TMEM120A: variants seen among roughly 807,000 people sequenced by gnomAD.
TMEM120A encodes transmembrane protein 120A.
TMEM120A carries 45 observed loss-of-function variants against 54.3 expected under a neutral mutation model. The ratio of observed to expected loss-of-function variants is 0.83; its 90% CI spans 0.65 to 1.06. TMEM120A has a LOEUF of 1.06. TMEM120A is among the 50% of genes least tolerant of loss of function. TMEM120A has a pLI of 0.00. For missense variants in TMEM120A, 424 were observed against 441.7 expected (o/e 0.96, Z 0.36); for synonymous variants, 204 against 178.5 (o/e 1.14, Z -1.14).
chr7:75,990,423 C>T (rs1317796285), intron 3 of TMEM120A, among the ~76,000 whole-genome samples: 2 of 152,176 alleles, frequency 1.3e-5, no homozygotes, highest in Non-Finnish European at 2.9e-5. Flanking sequence ...TCCTGCCCTT[C>T]TCCTGGGTCT....
In TMEM120A at chr7:75,992,201, A is replaced by G. The variant is rs782150303; in HGVS notation, c.260T>C (p.Met87Thr). ...AAAGAAGAGGCCTTGGCGCTCTTTC[A>G]TCTGGTTCTCCAGCTCCTGTGCGGC... The part of the protein sequence containing the change: ...EGAAQELENQ[M>T]KERQGLFFDM... Residue 87 changes from methionine to threonine, a missense_variant, in exon 3 of 12, where the codon ATG (methionine) becomes ACG (threonine). Transcript: ENST00000493111. The G allele has an allele frequency of 1.2e-6, 2 of 1,612,442 alleles. No individual in the cohort carries two copies. The highest frequency in any genetic ancestry group is 8.5e-7 in the Non-Finnish European group (1 of 1,179,328).
At chr7:75,988,059 C>T (rs1554560521) in intron 7 of TMEM120A, 24 bp downstream of exon 7, 1 of 1,598,718 alleles carries the variant, frequency 6.3e-7, no homozygotes, top group Admixed American at 1.7e-5. Context: ...CAGCTCCTGC[C>T]CCTGCCGGGG....
intron 2 of TMEM120A, 69 bp downstream of exon 2, chr7:75,992,370 C>A: frequency 6.4e-7 from 1 of 1,556,206 alleles, no homozygotes; most frequent in Non-Finnish European, 8.8e-7. Flanking sequence ...GGGCGGTGCC[C>A]AGGGTCTCAC....
Position 75,986,964 on chromosome 7 carries a change from G to A in TMEM120A, c.*208C>T, listed in dbSNP as rs1250189570. ...GGCCACCCAGCCCTCCCCTCCCCCA[G>A]GAGAACACACACGCTCAGGCCACCT... On this transcript the variant is annotated 3_prime_UTR_variant, in exon 12 of 12. Transcript: ENST00000493111. 1.8e-6 allele frequency: 1 copy of A among 563,842 alleles called. No homozygotes were observed. Among genetic ancestry groups the A allele is most frequent in the Non-Finnish European group, 3.1e-6 (1 of 317,842 alleles). The allele number at this position is 563,842 out of a possible 1,614,324, so 34.9% of individuals were successfully genotyped here.
intron 1 of TMEM120A, among the ~76,000 whole-genome samples, 178 bp downstream of exon 1, chr7:75,994,312 A>T (rs1324755890): frequency 6.6e-6 from 1 of 152,076 alleles, no homozygotes. Context: ...GTTCCCGGAC[A>T]CTGGAGGTGG....
At position 75,989,042 on chromosome 7, in the gene TMEM120A, T is replaced by G. The variant is rs1415590274; in HGVS notation, c.377+123A>C. 3.2e-3 allele frequency: 331 copies of G among 104,390 alleles called. 32 individuals carry two copies. The highest frequency in any genetic ancestry group is 9.1e-3 in the South Asian group (114 of 12,592). The allele number at this position is 104,390 out of a possible 1,614,324, so 6.5% of individuals were successfully genotyped here. ...TGGAGGGGAAGGCCGGGTTGGGGGG[T>G]GGAGGGGAAGGCCGGGTTCCGGGGG... is the stretch of plus-strand genomic sequence containing the variant. On this transcript the variant is annotated intron_variant, in intron 4 of 11. Transcript: ENST00000493111.
Position 75,987,081 on chromosome 7 carries a change from C to CTG in TMEM120A, c.*89_*90dup. 9.1e-7 allele frequency: 1 copy of CTG among 1,092,982 alleles called. No individual in the cohort carries two copies. The highest frequency in any genetic ancestry group is 1.4e-6 in the Non-Finnish European group (1 of 736,320). The allele number at this position is 1,092,982 out of a possible 1,614,324, so 67.7% of individuals were successfully genotyped here. A position where few individuals can be genotyped will look rare whatever the true frequency, so the allele number is the denominator to read the frequency against. ...CCCAAGGGAGAATAGAAGAGACCCC[C>CTG]TGATACACGCACACTCGAGGGGCGC... is the stretch of plus-strand genomic sequence containing the variant. On this transcript the variant is annotated 3_prime_UTR_variant, in exon 12 of 12. Coordinates refer to ENST00000493111, the MANE Select transcript of TMEM120A (RefSeq NM_031925.3).
rs1180733238 is a variant in TMEM120A at position 75,994,562 on chromosome 7, G to A, written c.9C>T (p.Pro3=). 4.9e-5 allele frequency: 76 copies of A among 1,546,764 alleles called. No individual in the cohort carries two copies. The highest frequency in any genetic ancestry group is 6.3e-5 in the Non-Finnish European group (72 of 1,146,452). ...AGTCGCCCAGCGGGCCCGGGGGCGG[G>A]GGCTGCATGGCTGCAGCGCCAGTAG... MQ[P]PPPGPLGDCL... The change falls in exon 1 of 12, where the codon CCC becomes CCT. Residue 3 remains proline, a synonymous_variant. Coordinates refer to ENST00000493111, the MANE Select transcript of TMEM120A (RefSeq NM_031925.3).
At chr7:75,991,316 G>C (rs530800440) in intron 3 of TMEM120A, among the ~76,000 whole-genome samples, 1 of 152,012 alleles carries the variant, frequency 6.6e-6, no homozygotes, top group Non-Finnish European at 1.5e-5. Context: ...CTCCCGCCCC[G>C]ACCTCTGGCC....
chr7:75,987,246 C>T lies in TMEM120A; in HGVS notation c.958G>A (p.Gly320Ser), dbSNP rs567042657. Residue 320 changes from glycine to serine, a missense_variant, in exon 12 of 12, where the codon GGC becomes AGC. Transcript: ENST00000493111. ...ACCCTCAGGGTGGTGAAGAAATTGC[C>T]GAGGAAAAGGAGGAGGAAGGGAAAG... ...CGFPFLLLFLGNFFTTLRVVH... is the reference protein window; with the variant it reads ...CGFPFLLLFLSNFFTTLRVVH... The T allele has an allele frequency of 2.9e-5, 46 of 1,608,118 alleles. No individual in the cohort carries two copies. The highest frequency in any genetic ancestry group is 1.7e-4 in the Admixed American group (10 of 59,324).
intron 3 of TMEM120A, among the ~76,000 whole-genome samples, chr7:75,991,695 C>G (rs1313725539): frequency 2.0e-5 from 3 of 152,202 alleles, no homozygotes; most frequent in Non-Finnish European, 4.4e-5. Flanking sequence ...TGAGCCACCG[C>G]GCCCAGCCTA....
chr7:75,992,439 T>G lies in TMEM120A; in HGVS notation c.200A>C (p.Lys67Thr). Residue 67 changes from lysine (K) to threonine (T), a missense_variant and splice_region_variant, in exon 2 of 12, where the codon AAA becomes ACA. Transcript: ENST00000493111. ...RLQELALALK[K>T]CKPSLPAEAE... is the part of the protein sequence containing the mutation. ...GGCGGGTGGGGTAGGGGATCCTAAC[T>G]TCTTCAGGGCGAGGGCCAGCTCCTG... is the stretch of plus-strand genomic sequence containing the variant. 6.3e-7 allele frequency: 1 copy of G among 1,590,918 alleles called. No homozygotes were observed. The highest frequency in any genetic ancestry group is 8.6e-7 in the Non-Finnish European group (1 of 1,169,086).
At chr7:75,989,108 G>GA in intron 4 of TMEM120A, 57 bp downstream of exon 4, 3 of 488,096 alleles carry the variant, frequency 6.1e-6, no homozygotes, top group Non-Finnish European at 1.1e-5. Context: ...GGGGAGGGGG[G>GA]TAGGGGGCTA....
chr7:75,987,509 ACAGG>A (rs782622231), intron 10 of TMEM120A, 25 bp downstream of exon 10: 1 of 1,201,510 alleles, frequency 8.3e-7, no homozygotes, highest in African/African-American at 1.7e-5. Flanking sequence ...GGACAGACAG[ACAGG>A]CAGGGACACA....
chr7:75,992,947 C>A (rs151090989), intron 1 of TMEM120A, among the ~76,000 whole-genome samples: 1 of 152,204 alleles, frequency 6.6e-6, no homozygotes, highest in Non-Finnish European at 1.5e-5. Context: ...GGATTACAGG[C>A]ACCTGCCATC....
rs1466503554 is a variant in TMEM120A at position 75,986,935 on chromosome 7, G to C, written c.*237C>G. 3 of 596,958 alleles carry C rather than the reference G, an allele frequency of 5.0e-6. No individual in the cohort carries two copies. In the Admixed American group the frequency reaches 9.2e-5, roughly 18 times the overall value. 37.0% of individuals were successfully genotyped at this position (596,958 alleles called of 1,614,324 possible). On this transcript the variant is annotated 3_prime_UTR_variant, in exon 12 of 12. Coordinates refer to ENST00000493111, the MANE Select transcript of TMEM120A (RefSeq NM_031925.3). The stretch of plus-strand genomic sequence containing the variant: ...AACTCAGACCCCAGGAACCCATGTG[G>C]TGGGGCCACCCAGCCCTCCCCTCCC...
rs1026911558 is a variant in TMEM120A at position 75,992,538 on chromosome 7, C to A, written c.101G>T (p.Arg34Leu). 2 of 1,580,680 alleles carry A rather than the reference C, an allele frequency of 1.3e-6. No individual in the cohort carries two copies. The highest frequency in any genetic ancestry group is 1.3e-5 in the African/African-American group (1 of 74,252). Reference protein sequence around the residue: ...QNIQETHRLYRLKLEELTKLQ... With the variant: ...QNIQETHRLYLLKLEELTKLQ... Reference sequence around the variant, plus strand: ...TTTGGTCAGCTCCTCCAGCTTCAGGCGGTAGAGCCGATGGGTCTCCTGGGG... The same window carrying A: ...TTTGGTCAGCTCCTCCAGCTTCAGGAGGTAGAGCCGATGGGTCTCCTGGGG... The change falls in exon 2 of 12, where the codon CGC (arginine) becomes CTC (leucine). Residue 34 changes from arginine (R) to leucine (L), a missense_variant. Transcript: ENST00000493111.
At position 75,988,349 on chromosome 7, in the gene TMEM120A, G is replaced by C; in HGVS notation, c.474-8C>G. ...AAGGCAGCATCTGTCACCCTGCGGA[G>C]GGAGGGGACCGAGGGTTGGTACTGC... On this transcript the variant is annotated splice_polypyrimidine_tract_variant and splice_region_variant and intron_variant, in intron 5 of 11. Coordinates refer to ENST00000493111, the MANE Select transcript of TMEM120A (RefSeq NM_031925.3). 1 of 1,611,984 alleles carries C rather than the reference G, an allele frequency of 6.2e-7. No individual in the cohort carries two copies. Among genetic ancestry groups the C allele is most frequent in the Admixed American group, 1.7e-5 (1 of 59,990 alleles).
Position 75,987,067 on chromosome 7 carries a change from A to T in TMEM120A, c.*105T>A, listed in dbSNP as rs1393209516. ...CAGCGCCCATAAAACCCAAGGGAGA[A>T]TAGAAGAGACCCCCTGATACACGCA... On this transcript the variant is annotated 3_prime_UTR_variant, in exon 12 of 12. Transcript: ENST00000493111. 6.2e-6 allele frequency: 6 copies of T among 966,980 alleles called. No homozygotes were observed. The East Asian group carries it at 1.6e-4, about 25-fold the overall frequency. 59.9% of individuals were successfully genotyped at this position (966,980 alleles called of 1,614,324 possible).
Sources: gnomAD v4.1 joint callset for allele counts (sites outside exome capture counted in the v4.1 genomes callset) on GRCh38, gnomAD v4.1.1 for gene constraint, MANE v1.5 for transcripts, NCBI Gene and HGNC (gene_info 2026-07-23, HGNC 2026-07-21) for gene names.